Variants in SLCO3A1 observed in about 807,000 individuals in gnomAD.
SLCO3A1 encodes PGE1 transporter.
Under a neutral mutation model 63.1 loss-of-function variants are expected in SLCO3A1, and 27 were observed. The ratio of observed to expected loss-of-function variants is 0.43; its 90% CI spans 0.32 to 0.59. SLCO3A1 has a LOEUF of 0.59. Ranked by LOEUF, SLCO3A1 falls within the 20% of genes least tolerant of loss-of-function variation. SLCO3A1 has a pLI of 0.09. For missense variants in SLCO3A1, 773 were observed against 945.8 expected, an observed-to-expected ratio of 0.82 and a Z score of 2.40; for synonymous variants, 473 against 409.9, an observed-to-expected ratio of 1.15 and a Z score of -1.86.
intron 7 of SLCO3A1, among the ~76,000 whole-genome samples, chr15:92,139,865 CTT>C (rs1050493736): frequency 6.8e-6 from 1 of 147,946 alleles, no homozygotes; most frequent in Non-Finnish European, 1.5e-5. Context: ...ATTCTTCTCT[CTT>C]TTTTTCTTTA....
At chr15:91,906,380 A>G (rs537618520) in intron 1 of SLCO3A1, among the ~76,000 whole-genome samples, 10 of 152,184 alleles carry the variant, frequency 6.6e-5, no homozygotes, top group African/African-American at 1.4e-4. Context: ...TGTTGTCTCC[A>G]TGATACTGTG....
rs1897712443 is a variant in SLCO3A1, at chr15:91,885,907, G to A, written c.181-30086G>A. Among the ~76,000 whole-genome samples, 1 of 152,198 alleles carries A rather than the reference G, an allele frequency of 6.6e-6. No individual in the cohort carries two copies. ...AGGCAGAGGGACTAGGAAGTGCAAA[G>A]GCCCTGGGGTTGAAATATGCTTGAT... On this transcript the variant is annotated intron_variant, in intron 1 of 9. Transcript: ENST00000318445. The surrounding 1 kb of genome is among the most constrained non-coding windows in gnomAD (Gnocchi z 4.7).
chr15:92,000,955 C>T (rs1357480593), intron 2 of SLCO3A1, among the ~76,000 whole-genome samples: 3 of 152,088 alleles, frequency 2.0e-5, no homozygotes, highest in African/African-American at 4.8e-5. Flanking sequence ...CATTTCCCTT[C>T]GAGGACTGTC....
chr15:92,004,967 C>T (rs189347410), intron 2 of SLCO3A1, among the ~76,000 whole-genome samples: 273 of 152,278 alleles, frequency 1.8e-3, no homozygotes, highest in African/African-American at 6.3e-3. Context: ...ATTAAAAACT[C>T]TTTTAAAGCC....
chr15:91,861,270 G>A (rs1897040691), intron 1 of SLCO3A1, among the ~76,000 whole-genome samples: 1 of 152,146 alleles, frequency 6.6e-6, no homozygotes, highest in Non-Finnish European at 1.5e-5. Context: ...GCAAGCCAGG[G>A]GAGCCTTCAT....
chr15:92,014,253 G>A (rs572543814), intron 2 of SLCO3A1, among the ~76,000 whole-genome samples: 1 of 152,264 alleles, frequency 6.6e-6, no homozygotes, highest in South Asian at 2.1e-4. Context: ...GGGCCACGGG[G>A]GCAGTGGACC....
chr15:91,928,790 A>C lies in SLCO3A1; in HGVS notation c.646+12332A>C, dbSNP rs142254926. Among the ~76,000 whole-genome samples the C allele has an allele frequency of 4.1e-4, 62 of 152,346 alleles. 1 individual carries two copies. The East Asian group carries it at 0.011, about 28-fold the overall frequency. On this transcript the variant is annotated intron_variant, in intron 2 of 9. Transcript: ENST00000318445. ...ATTGCTCCCACAAAAAAATCATGTG[A>C]GTTGTTTTCAAAATCTCCTTGTAGT...
intron 2 of SLCO3A1, among the ~76,000 whole-genome samples, chr15:92,016,049 T>G (rs2046422127): frequency 6.6e-6 from 1 of 152,136 alleles, no homozygotes; most frequent in Non-Finnish European, 1.5e-5. Flanking sequence ...AAGGAGGAGA[T>G]GAAATTTCTG....
intron 2 of SLCO3A1, among the ~76,000 whole-genome samples, chr15:92,089,183 C>T (rs951941169): frequency 4.6e-5 from 7 of 151,990 alleles, no homozygotes; most frequent in Admixed American, 1.3e-4. Context: ...CCTGCCACTA[C>T]GCCCGGCTAA....
intron 1 of SLCO3A1, among the ~76,000 whole-genome samples, chr15:91,906,591 T>C (rs1898316115): frequency 6.6e-6 from 1 of 152,240 alleles, no homozygotes; most frequent in Non-Finnish European, 1.5e-5. Context: ...GGCCTTAGAC[T>C]AAGATCTCTG....
chr15:92,119,828 C>T (rs748685309), intron 4 of SLCO3A1, among the ~76,000 whole-genome samples: 30 of 152,088 alleles, frequency 2.0e-4, no homozygotes, highest in Non-Finnish European at 3.7e-4. Flanking sequence ...GAGTGAAAAC[C>T]AAGACCCCAG....
chr15:92,160,096 G>T (rs1287502062), intron 9 of SLCO3A1, among the ~76,000 whole-genome samples: 1 of 152,046 alleles, frequency 6.6e-6, no homozygotes, highest in East Asian at 1.9e-4. Flanking sequence ...GTGTTGGGTG[G>T]CTAGAACAAA....
chr15:92,049,272 T>A (rs549754854), intron 2 of SLCO3A1, among the ~76,000 whole-genome samples: 2 of 152,148 alleles, frequency 1.3e-5, no homozygotes, highest in Non-Finnish European at 2.9e-5. Context: ...CCCAACCTTA[T>A]TAAAGTCTCT....
intron 2 of SLCO3A1, among the ~76,000 whole-genome samples, chr15:92,085,112 A>G (rs993078441): frequency 2.0e-5 from 3 of 152,238 alleles, no homozygotes; most frequent in East Asian, 1.9e-4. Context: ...AAACCAGCAT[A>G]GAGAGGCTGA....
intron 2 of SLCO3A1, among the ~76,000 whole-genome samples, chr15:92,043,858 G>C (rs1443838164): frequency 6.6e-6 from 1 of 151,844 alleles, no homozygotes; most frequent in Admixed American, 6.6e-5. Context: ...GGGAACTCAG[G>C]GAAGCTGAAG....
rs956845381 is a variant in SLCO3A1 at position 92,163,532 on chromosome 15, G to GAAGT, written c.*398_*401dup. 3.3e-5 allele frequency: 32 copies of GAAGT among 969,116 alleles called. No homozygotes were observed. Among genetic ancestry groups the GAAGT allele is most frequent in the African/African-American group, 7.9e-5 (4 of 50,916 alleles). 60.0% of individuals were successfully genotyped at this position (969,116 alleles called of 1,614,324 possible). A position where few individuals can be genotyped will look rare whatever the true frequency, so the allele number is the denominator to read the frequency against. On this transcript the variant is annotated 3_prime_UTR_variant, in exon 10 of 10. Transcript: ENST00000318445. ...ACAAAACAGAAAACATTTTTTAAAA[G>GAAGT]AAGTTTCCTAAAATAAAAAAAATTA...
chr15:91,989,312 A>G (rs1020231900), intron 2 of SLCO3A1, among the ~76,000 whole-genome samples: 2 of 152,144 alleles, frequency 1.3e-5, no homozygotes, highest in Admixed American at 1.3e-4. Flanking sequence ...GTACTGTATT[A>G]TAATCTGTAA....
At chr15:91,871,674 C>G (rs185164484) in intron 1 of SLCO3A1, among the ~76,000 whole-genome samples, 1 of 151,406 alleles carries the variant, frequency 6.6e-6, no homozygotes, top group East Asian at 1.9e-4. Context: ...GGCTCTGAGC[C>G]TTGCCACACT....
intron 1 of SLCO3A1, among the ~76,000 whole-genome samples, chr15:91,864,482 A>G (rs926191702): frequency 1.4e-5 from 2 of 145,730 alleles, no homozygotes; most frequent in Admixed American, 6.9e-5. Context: ...CTCTTTTAAA[A>G]TGTTCCTCTT....
Sources: gnomAD v4.1 joint callset for allele counts (sites outside exome capture counted in the v4.1 genomes callset) on GRCh38, gnomAD v4.1.1 for gene constraint, Gnocchi (gnomAD v3.1) non-coding constraint, MANE v1.5 for transcripts, NCBI Gene and HGNC (gene_info 2026-07-23, HGNC 2026-07-21) for gene names.